USP34: variants seen among roughly 807,000 people sequenced by gnomAD.
USP34 encodes the protein ubiquitin carboxyl-terminal hydrolase 34.
A neutral mutation model predicts 460.3 loss-of-function variants in USP34; 70 were observed. That is an observed-to-expected ratio of 0.15 (90% CI 0.13 to 0.19). The LOEUF is 0.19. Ranked by LOEUF, USP34 falls within the 10% of genes least tolerant of loss-of-function variation. USP34 has a pLI of 1.00. For missense variants in USP34, 3,985 were observed against 4,236.2 expected (o/e 0.94, Z 1.65); for synonymous variants, 1,647 against 1,405.3 (o/e 1.17, Z -3.85).
At chr2:61,416,851 G>T in intron 2 of USP34, 3 of 467,824 alleles carry the variant, frequency 6.4e-6, no homozygotes, top group African/African-American at 2.1e-5. Context: ...AGAATGTATT[G>T]GTATTAAGAG....
At chr2:61,272,280 G>A (rs887641462) in intron 41 of USP34, among the ~76,000 whole-genome samples, 5 of 151,772 alleles carry the variant, frequency 3.3e-5, no homozygotes, top group East Asian at 3.9e-4. Context: ...GTGTGGTGGC[G>A]GGCACCTGTA....
intron 1 of USP34, among the ~76,000 whole-genome samples, chr2:61,427,185 G>A (rs960991758): frequency 1.3e-5 from 2 of 152,102 alleles, no homozygotes; most frequent in Admixed American, 6.6e-5. Flanking sequence ...CCGCCACCAC[G>A]CCCGGCTAAT....
intron 50 of USP34, 70 bp downstream of exon 50, chr2:61,246,254 C>T: frequency 1.1e-5 from 14 of 1,275,412 alleles, no homozygotes; most frequent in Non-Finnish European, 1.4e-5. Flanking sequence ...TTTTAGAAAA[C>T]TAAACACTGA....
At chr2:61,191,302 AG>A (rs1393413294) in intron 76 of USP34, 1 of 152,326 alleles carries the variant, frequency 6.6e-6, no homozygotes, top group African/African-American at 2.4e-5. Flanking sequence ...TATGTCTTTA[AG>A]CAGATACACT....
At chr2:61,353,392 A>ATTTT (rs1282016277) in intron 10 of USP34, among the ~76,000 whole-genome samples, 1 of 143,872 alleles carries the variant, frequency 7.0e-6, no homozygotes, top group African/African-American at 2.6e-5. Context: ...TCCTAGACGA[A>ATTTT]TGTTTTTTTT....
intron 3 of USP34, among the ~76,000 whole-genome samples, chr2:61,400,589 C>T (rs778950241): frequency 3.3e-5 from 5 of 152,214 alleles, no homozygotes; most frequent in East Asian, 1.9e-4. Flanking sequence ...GGCAGCTCAT[C>T]TTATAATCCC....
intron 1 of USP34, among the ~76,000 whole-genome samples, chr2:61,428,196 A>G (rs967159571): frequency 1.3e-5 from 2 of 151,330 alleles, no homozygotes; most frequent in African/African-American, 4.9e-5. Flanking sequence ...CAAATCTTAA[A>G]CAAAGGCAAA....
At chr2:61,455,254 C>A (rs1695403666) in intron 1 of USP34, among the ~76,000 whole-genome samples, 1 of 152,122 alleles carries the variant, frequency 6.6e-6, no homozygotes, top group South Asian at 2.1e-4. Flanking sequence ...TCTCAGCTCA[C>A]TGCAACCTCC....
intron 41 of USP34, 77 bp downstream of exon 41, chr2:61,278,088 A>T: frequency 6.5e-7 from 1 of 1,549,362 alleles, no homozygotes; most frequent in South Asian, 1.2e-5. Flanking sequence ...GCAGTGTAAA[A>T]ACGGACTAAT....
chr2:61,281,953 G>C (rs998771652), intron 37 of USP34, among the ~76,000 whole-genome samples: 1 of 152,188 alleles, frequency 6.6e-6, no homozygotes, highest in African/African-American at 2.4e-5. Context: ...GACAGGACTA[G>C]AACACAAATG....
At chr2:61,412,486 C>T (rs1174964592) in intron 2 of USP34, among the ~76,000 whole-genome samples, 1 of 151,900 alleles carries the variant, frequency 6.6e-6, no homozygotes. Context: ...GTATATATAT[C>T]ATTTACAGTT....
intron 75 of USP34, among the ~76,000 whole-genome samples, chr2:61,201,757 G>C (rs1334865141): frequency 6.6e-6 from 1 of 152,172 alleles, no homozygotes; most frequent in East Asian, 1.9e-4. Context: ...GGTTAAAGCT[G>C]TCCGAGTAGC....
chr2:61,304,747 T>C (rs375565065), intron 27 of USP34, among the ~76,000 whole-genome samples: 1 of 152,272 alleles, frequency 6.6e-6, no homozygotes, highest in Non-Finnish European at 1.5e-5. Context: ...TAGTTTTATA[T>C]AGCACGCTGG....
chr2:61,435,307 C>CAAAAAAAAAAAAAA (rs59158283), intron 1 of USP34, among the ~76,000 whole-genome samples: 3 of 40,952 alleles, frequency 7.3e-5, no homozygotes, highest in African/African-American at 2.1e-4. Context: ...GACCTTGTTT[C>CAAAAAAAAAAAAAA]AAAAAAAAAA....
At chr2:61,456,301 G>T (rs1695436753) in intron 1 of USP34, among the ~76,000 whole-genome samples, 1 of 152,154 alleles carries the variant, frequency 6.6e-6, no homozygotes, top group Non-Finnish European at 1.5e-5. Flanking sequence ...TCAGCTTCAA[G>T]AATAGGTCCT....
At chr2:61,259,663 G>C in intron 44 of USP34, 48 bp downstream of exon 44, 1 of 1,576,730 alleles carries the variant, frequency 6.3e-7, no homozygotes, top group Non-Finnish European at 8.7e-7. Context: ...TATAATTACA[G>C]GCATGAGCCA....
intron 27 of USP34, among the ~76,000 whole-genome samples, chr2:61,306,791 C>T (rs1446879596): frequency 5.9e-5 from 9 of 152,104 alleles, no homozygotes; most frequent in East Asian, 5.8e-4. Context: ...GTTAGAATGG[C>T]GATCATTAAA....
chr2:61,194,012 A>T (rs1229334964), intron 75 of USP34: 6 of 639,392 alleles, frequency 9.4e-6, no homozygotes, highest in African/African-American at 6.0e-5. Context: ...TTAAAAAAAA[A>T]TTTAAAAATA....
At chr2:61,371,545 T>C (rs1287584269) in intron 8 of USP34, among the ~76,000 whole-genome samples, 2 of 151,996 alleles carry the variant, frequency 1.3e-5, no homozygotes, top group Non-Finnish European at 2.9e-5. Context: ...AATGTTATTA[T>C]AAGAGTCAAA....
Sources: gnomAD v4.1 joint callset for allele counts (sites outside exome capture counted in the v4.1 genomes callset) on GRCh38, gnomAD v4.1.1 for gene constraint, MANE v1.5 for transcripts, NCBI Gene and HGNC (gene_info 2026-07-23, HGNC 2026-07-21) for gene names.